RALGAPA1: variants seen among roughly 807,000 people sequenced by gnomAD.
The protein encoded by RALGAPA1 is Ral GTPase activating protein catalytic subunit alpha 1.
Under a neutral mutation model 269.6 loss-of-function variants are expected in RALGAPA1, and 52 were observed. The observed-to-expected ratio is 0.19, with a 90% CI of 0.15 to 0.24. RALGAPA1 has a LOEUF of 0.24. RALGAPA1 is among the 10% of genes least tolerant of loss of function. The probability of loss-of-function intolerance (pLI) is 1.00; values close to 1 mark genes in which losing one functional copy is unlikely to be tolerated. For synonymous variants in RALGAPA1, 817 were observed against 1,008.3 expected, an observed-to-expected ratio of 0.81 and a Z score of 3.60; for missense variants, 1,917 against 3,013.9, an observed-to-expected ratio of 0.64 and a Z score of 8.52.
At chr14:35,749,162 G>C (rs191758650) in intron 9 of RALGAPA1, among the ~76,000 whole-genome samples, 8 of 152,190 alleles carry the variant, frequency 5.3e-5, no homozygotes, top group Admixed American at 4.6e-4. Context: ...AGACAGCTCA[G>C]ACCTTCAAGA....
chr14:35,719,827 T>C (rs2069213107), intron 16 of RALGAPA1, among the ~76,000 whole-genome samples: 1 of 152,000 alleles, frequency 6.6e-6, no homozygotes, highest in Non-Finnish European at 1.5e-5. Context: ...CTCTGCCCAC[T>C]GCAACCTCTG....
At chr14:35,642,246 G>C (rs534186824) in intron 31 of RALGAPA1, among the ~76,000 whole-genome samples, 1 of 152,076 alleles carries the variant, frequency 6.6e-6, no homozygotes, top group Non-Finnish European at 1.5e-5. Context: ...GAACAAATAG[G>C]ATCACATAAA....
chr14:35,733,877 G>C (rs2070732296), intron 12 of RALGAPA1, among the ~76,000 whole-genome samples: 1 of 151,804 alleles, frequency 6.6e-6, no homozygotes, highest in Admixed American at 6.6e-5. Context: ...AACAAAACAG[G>C]AGATACACCA....
intron 30 of RALGAPA1, among the ~76,000 whole-genome samples, chr14:35,653,109 A>G (rs2062952899): frequency 6.6e-6 from 1 of 152,202 alleles, no homozygotes; most frequent in Non-Finnish European, 1.5e-5. Context: ...GGAATCTTAC[A>G]GACCTGGGTC....
At chr14:35,561,028 G>C (rs1177584645) in intron 39 of RALGAPA1, among the ~76,000 whole-genome samples, 2 of 151,870 alleles carry the variant, frequency 1.3e-5, no homozygotes, top group Non-Finnish European at 2.9e-5. Context: ...AGGAGTTTGA[G>C]ACCAGCCTGG....
chr14:35,589,575 ATATACT>A (rs2058512576), intron 37 of RALGAPA1, among the ~76,000 whole-genome samples: 1 of 152,186 alleles, frequency 6.6e-6, no homozygotes, highest in Admixed American at 6.5e-5. Context: ...TATATGAGAA[ATATACT>A]TAAAACAGTC....
At chr14:35,720,224 T>C (rs2069266043) in intron 16 of RALGAPA1, among the ~76,000 whole-genome samples, 1 of 152,206 alleles carries the variant, frequency 6.6e-6, no homozygotes, top group Admixed American at 6.5e-5. Flanking sequence ...TCTTGTCTTA[T>C]TCTTCTAGCT....
intron 39 of RALGAPA1, among the ~76,000 whole-genome samples, chr14:35,552,072 G>C (rs2055067262): frequency 6.6e-6 from 1 of 151,990 alleles, no homozygotes; most frequent in South Asian, 2.1e-4. Context: ...CTTTCTAAAA[G>C]CTAAATGATC....
In RALGAPA1 at chr14:35,738,574, T is replaced by C. The variant is rs1179709812; in HGVS notation, c.1526A>G (p.His509Arg). The C allele has an allele frequency of 1.2e-6, 2 of 1,613,752 alleles. No homozygotes were observed. Among genetic ancestry groups the C allele is most frequent in the Non-Finnish European group, 1.7e-6 (2 of 1,179,840 alleles). ...AKNGSYQGAL[H>R]NASEEATEQN... ...TTCTGTGGCTTCTTCAGAGGCGTTA[T>C]GAAGAGCACCTTGGTAGGAGCCGTT... is the stretch of plus-strand genomic sequence containing the variant. The change falls in exon 12 of 42, where the codon CAT becomes CGT. Residue 509 changes from histidine to arginine, a missense_variant. By Grantham distance (29) the His-to-Arg change is conservative (BLOSUM62 0). Around this residue, in one of 11 missense-constraint regions of RALGAPA1, gnomAD observed 462 missense variants for 725.6 expected, o/e 0.64. Transcript: ENST00000680220.
At chr14:35,690,142 C>A (rs2066353812) in intron 17 of RALGAPA1, 139 bp from the exon 18 acceptor site, 2 of 612,632 alleles carry the variant, frequency 3.3e-6, no homozygotes, top group Non-Finnish European at 5.2e-6. Flanking sequence ...AATCAAAATA[C>A]AAATCTGCTT....
intron 37 of RALGAPA1, among the ~76,000 whole-genome samples, chr14:35,582,075 G>A (rs1214462764): frequency 1.3e-5 from 2 of 152,176 alleles, no homozygotes; most frequent in African/African-American, 4.8e-5. Flanking sequence ...TCTGATGTAT[G>A]CTACAACATG....
intron 36 of RALGAPA1, among the ~76,000 whole-genome samples, chr14:35,602,801 T>C (rs1198250120): frequency 6.6e-6 from 1 of 152,216 alleles, no homozygotes; most frequent in Non-Finnish European, 1.5e-5. Context: ...TTGTGTCTTA[T>C]CTAAAAATCC....
At chr14:35,685,852 A>G (rs2065880133) in intron 19 of RALGAPA1, among the ~76,000 whole-genome samples, 1 of 152,124 alleles carries the variant, frequency 6.6e-6, no homozygotes, top group Admixed American at 6.5e-5. Flanking sequence ...TGCAGTGAGC[A>G]CTGCACTCCA....
In RALGAPA1 at chr14:35,689,787, T is replaced by C. The variant is rs747732498; in HGVS notation, c.2624A>G (p.Gln875Arg). Residue 875 changes from glutamine (Q) to arginine (R), a missense_variant, in exon 18 of 42, where the codon CAG becomes CGG. Gln to Arg is a conservative substitution (Grantham distance 43, BLOSUM62 1). Coordinates refer to ENST00000680220, the MANE Select transcript of RALGAPA1 (RefSeq NM_001346249.2). ...TATTGAAGAAGCCTCTGTGGAACTC[T>C]GCAAGCTTGGTGCATGACGGGATGA... Reference protein sequence around the residue: ...DSSSRHAPSLQSSTEASSITR... With the variant: ...DSSSRHAPSLRSSTEASSITR... 1.9e-6 allele frequency: 3 copies of C among 1,545,572 alleles called. No homozygotes were observed. The highest frequency in any genetic ancestry group is 2.4e-5 in the East Asian group (1 of 41,122).
At chr14:35,561,402 C>G (rs2056224879) in intron 39 of RALGAPA1, among the ~76,000 whole-genome samples, 1 of 151,136 alleles carries the variant, frequency 6.6e-6, no homozygotes, top group South Asian at 2.1e-4. Flanking sequence ...TCTGTATACA[C>G]AGACTACAAA....
At chr14:35,742,306 G>A (rs769246149) in intron 11 of RALGAPA1, 62 bp downstream of exon 11, 1 of 1,151,876 alleles carries the variant, frequency 8.7e-7, no homozygotes, top group Non-Finnish European at 1.3e-6. Context: ...CCATTATTAT[G>A]TTTCTGCAAA....
At chr14:35,727,310 CA>C (rs1228604987) in intron 13 of RALGAPA1, among the ~76,000 whole-genome samples, 3 of 104,488 alleles carry the variant, frequency 2.9e-5, no homozygotes, top group African/African-American at 1.2e-4. Context: ...AAAATTATGG[CA>C]TATATATATA....
chr14:35,691,638 T>G (rs1233815786), intron 17 of RALGAPA1, among the ~76,000 whole-genome samples: 1 of 152,214 alleles, frequency 6.6e-6, no homozygotes, highest in African/African-American at 2.4e-5. Context: ...TCAAAGTATT[T>G]TTGGGATCCA....
Position 35,809,026 on chromosome 14 carries a change from C to G in RALGAPA1, c.-191G>C. ...GCCGCCACCTCCACCCGCCTCGCGC[C>G]GCGGCTCCAAGGCACCTTCGGCCCC... On this transcript the variant is annotated 5_prime_UTR_variant, in exon 1 of 42. Coordinates refer to ENST00000680220, the MANE Select transcript of RALGAPA1 (RefSeq NM_001346249.2). 8.6e-7 allele frequency: 1 copy of G among 1,163,120 alleles called. No individual in the cohort carries two copies. Among genetic ancestry groups the G allele is most frequent in the Non-Finnish European group, 1.2e-6 (1 of 857,400 alleles). The allele number at this position is 1,163,120 out of a possible 1,614,324, so 72.0% of individuals were successfully genotyped here.
Sources: gnomAD v4.1 joint callset for allele counts (sites outside exome capture counted in the v4.1 genomes callset) on GRCh38, gnomAD v4.1.1 for gene constraint, gnomAD v4.1.1 regional missense constraint, MANE v1.5 for transcripts, NCBI Gene and HGNC (gene_info 2026-07-23, HGNC 2026-07-21) for gene names.